Variants in EP400 observed in about 807,000 individuals in gnomAD.
EP400 encodes E1A-binding protein p400.
In EP400, 105 loss-of-function variants were observed where a neutral mutation model predicts 354.1. The ratio of observed to expected loss-of-function variants is 0.30; its 90% CI spans 0.25 to 0.35. EP400 has a LOEUF of 0.35. EP400 is among the 10% of genes least tolerant of loss of function. The probability of loss-of-function intolerance (pLI) is 1.00; values close to 1 mark genes in which losing one functional copy is unlikely to be tolerated. For missense variants in EP400, 3,280 were observed against 4,121.0 expected, an observed-to-expected ratio of 0.80 and a Z score of 5.59; for synonymous variants, 1,646 against 1,716.9, an observed-to-expected ratio of 0.96 and a Z score of 1.02.
At chr12:132,026,105 G>C (rs1894295533) in intron 25 of EP400, among the ~76,000 whole-genome samples, 2 of 152,222 alleles carry the variant, frequency 1.3e-5, no homozygotes, top group Non-Finnish European at 2.9e-5. Context: ...TATATCGCCA[G>C]TGTGCTCCGT....
chr12:131,999,642 T>C (rs1220197787), intron 12 of EP400, among the ~76,000 whole-genome samples: 2 of 152,128 alleles, frequency 1.3e-5, no homozygotes, highest in African/African-American at 2.4e-5. Context: ...TTTTACCGTG[T>C]TGCCCAGGCT....
chr12:132,033,822 G>T (rs1167145239), intron 30 of EP400, among the ~76,000 whole-genome samples: 1 of 152,214 alleles, frequency 6.6e-6, no homozygotes. Context: ...ATGAGTCACT[G>T]CACCCGGCCA....
In EP400 at chr12:132,079,724, A is replaced by G. The variant is rs550647574; in HGVS notation, c.*2051A>G. On this transcript the variant is annotated 3_prime_UTR_variant, in exon 53 of 53. Transcript: ENST00000389561. ...CTTAATGGGATTCTGAATATTTGCA[A>G]TGTGGAGTTTCCGCCCCGATCTCAC... The G allele has an allele frequency of 3.9e-5, 6 of 152,360 alleles. No individual in the cohort carries two copies. The highest frequency in any genetic ancestry group is 1.9e-4 in the East Asian group (1 of 5,192). 9.4% of individuals were successfully genotyped at this position (152,360 alleles called of 1,614,324 possible).
intron 50 of EP400, 91 bp from the exon 51 acceptor site, chr12:132,069,404 G>A: frequency 6.5e-7 from 1 of 1,541,494 alleles, no homozygotes; most frequent in African/African-American, 1.4e-5. Flanking sequence ...AAGGGGCTGG[G>A]TTCTGCCATA....
Position 131,994,731 on chromosome 12 carries a change from C to A in EP400, c.2738-136C>A. Reference sequence around the variant, plus strand: ...TTCCTGCCCATTTAATTAAATTTAACCTGAGAAGTTTAAAAGCTCAGTTTC... The same window carrying A: ...TTCCTGCCCATTTAATTAAATTTAAACTGAGAAGTTTAAAAGCTCAGTTTC... On this transcript the variant is annotated intron_variant, in intron 11 of 52. Coordinates refer to ENST00000389561, the MANE Select transcript of EP400 (RefSeq NM_015409.5). This position sits in a 1 kb window ranked among gnomAD's most constrained non-coding sequence, Gnocchi z 4.6. The A allele has an allele frequency of 1.6e-6, 1 of 627,664 alleles. No individual in the cohort carries two copies. Among genetic ancestry groups the A allele is most frequent in the Non-Finnish European group, 2.7e-6 (1 of 367,640 alleles). 38.9% of individuals were successfully genotyped at this position (627,664 alleles called of 1,614,324 possible). A position where few individuals can be genotyped will look rare whatever the true frequency, so the allele number is the denominator to read the frequency against.
chr12:132,058,781 C>G (rs534165107), intron 45 of EP400, among the ~76,000 whole-genome samples: 1 of 149,328 alleles, frequency 6.7e-6, no homozygotes, highest in Non-Finnish European at 1.5e-5. Flanking sequence ...AGGAGAAAAA[C>G]GATTTCTTCC....
At position 131,979,779 on chromosome 12, in the gene EP400, C is replaced by T. The variant is rs774120029; in HGVS notation, c.1421C>T (p.Ser474Phe). 3.1e-6 allele frequency: 5 copies of T among 1,609,760 alleles called. No homozygotes were observed. In the East Asian group the frequency reaches 1.1e-4, roughly 36 times the overall value. Residue 474 changes from serine to phenylalanine, a missense_variant, in exon 3 of 53, where the codon TCC (serine) becomes TTC (phenylalanine). Ser to Phe is a radical substitution (Grantham distance 155, BLOSUM62 -2). Around this residue, in one of 20 missense-constraint regions of EP400, gnomAD observed 800 missense variants for 840.0 expected, o/e 0.95. Transcript: ENST00000389561. ...TTTAAGAGGCAGCAGGCGATGCCCT[C>T]CACAGGTATGGCAGGTACGTCGGCA... ...DLFKRQQAMP[S>F]TGMAEQSKRP...
At chr12:132,071,747 CT>C (rs1896074434) in intron 51 of EP400, among the ~76,000 whole-genome samples, 1 of 152,218 alleles carries the variant, frequency 6.6e-6, no homozygotes, top group Admixed American at 6.5e-5. Context: ...GTGCACCCCT[CT>C]GCACTTGCTC....
At chr12:132,055,297 G>C in intron 45 of EP400, 89 bp downstream of exon 45, 1 of 1,087,360 alleles carries the variant, frequency 9.2e-7, no homozygotes, top group Non-Finnish European at 1.3e-6. Context: ...TTCTTTTTAA[G>C]TATTCCATTG....
rs1435980828 is a variant in EP400, at chr12:132,018,124, G to A, written c.4111-86G>A. 1.9e-6 allele frequency: 3 copies of A among 1,561,282 alleles called. No homozygotes were observed. The highest frequency in any genetic ancestry group is 1.8e-4 in the Middle Eastern group (1 of 5,460). On this transcript the variant is annotated intron_variant, in intron 20 of 52. Transcript: ENST00000389561. This position sits in a 1 kb window ranked among gnomAD's most constrained non-coding sequence, Gnocchi z 4.0. Reference sequence around the variant, plus strand: ...GGGGCGCGTCTGGATGCCCACGTTAGGGCCCTGCCATAGAAATCAGTTTTG... The same window carrying A: ...GGGGCGCGTCTGGATGCCCACGTTAAGGCCCTGCCATAGAAATCAGTTTTG...
At position 132,062,114 on chromosome 12, in the gene EP400, C is replaced by G. The variant is rs374438318; in HGVS notation, c.7889C>G (p.Pro2630Arg). The G allele has an allele frequency of 1.2e-6, 2 of 1,612,304 alleles. No homozygotes were observed. Among genetic ancestry groups the G allele is most frequent in the South Asian group, 1.1e-5 (1 of 91,002 alleles). The change falls in exon 46 of 53, where the codon CCG becomes CGG. Residue 2630 changes from proline to arginine, a missense_variant. Transcript: ENST00000389561. ...SPVAPGALTT[P>R]GGSAPAQVVH... ...TCCTCTGTTTGCCTTTTCTAGACGC[C>G]GGGAGGCTCTGCTCCCGCCCAGGTG...
At chr12:131,982,531 T>C (rs900654375) in intron 5 of EP400, 53 bp downstream of exon 5, 2 of 1,542,998 alleles carry the variant, frequency 1.3e-6, no homozygotes, top group African/African-American at 2.7e-5. Flanking sequence ...ATTTGCTGGC[T>C]ACCTGTGTGT....
chr12:132,045,712 A>G lies in EP400; in HGVS notation c.7027-15A>G. The G allele has an allele frequency of 1.2e-6, 2 of 1,613,800 alleles. No individual in the cohort carries two copies. Among genetic ancestry groups the G allele is most frequent in the African/African-American group, 1.3e-5 (1 of 75,020 alleles). ...GAGTGTATTCACCTGTTTTACCTGA[A>G]ATCTCCTTCTCTAGGCTGTAAAGCA... On this transcript the variant is annotated splice_polypyrimidine_tract_variant and intron_variant, in intron 38 of 52. Transcript: ENST00000389561.
chr12:132,005,841 G>A (rs1463654680), intron 13 of EP400, among the ~76,000 whole-genome samples: 1 of 152,184 alleles, frequency 6.6e-6, no homozygotes, highest in African/African-American at 2.4e-5. Context: ...AATTGCTATG[G>A]AGACATTTTC....
In EP400 at chr12:131,961,081, C is replaced by T; in HGVS notation, c.462C>T (p.Ala154=). 2 of 1,597,318 alleles carry T rather than the reference C, an allele frequency of 1.3e-6. No homozygotes were observed. The highest frequency in any genetic ancestry group is 1.1e-5 in the South Asian group (1 of 89,022). ...GQALQNVRAG[A]PGPGLGLCSS... The stretch of plus-strand genomic sequence containing the variant: ...CCTTGCAGAATGTGCGTGCAGGTGC[C>T]CCTGGCCCTGGGCTGGGCCTCTGCA... The change falls in exon 2 of 53, where the codon GCC becomes GCT. Residue 154 remains alanine, a synonymous_variant. Transcript: ENST00000389561.
Position 131,986,512 on chromosome 12 carries a change from A to T in EP400, c.1930-2A>T. On this transcript the variant is annotated splice_acceptor_variant, in intron 5 of 52. Transcript: ENST00000389561. LOFTEE classifies it high-confidence loss of function. ...TGCTCCACTTGTGCCCTGCCCTTAC[A>T]GATGGTAGCATCGACAAGGCTCCCT... 6.3e-7 allele frequency: 1 copy of T among 1,594,312 alleles called. No individual in the cohort carries two copies. Among genetic ancestry groups the T allele is most frequent in the Middle Eastern group, 1.7e-4 (1 of 5,892 alleles).
chr12:132,062,388 C>G, intron 46 of EP400, 65 bp downstream of exon 46: 2 of 1,610,306 alleles, frequency 1.2e-6, no homozygotes, highest in Non-Finnish European at 1.7e-6. Context: ...GGCTCAGCTG[C>G]TGCTTGCTGT....
intron 27 of EP400, 61 bp downstream of exon 27, chr12:132,028,349 C>T (rs914594651): frequency 1.9e-6 from 3 of 1,580,158 alleles, no homozygotes; most frequent in Admixed American, 3.4e-5. Context: ...CGGCAAGACC[C>T]CTTCTTGTCT....
chr12:132,013,797 G>C lies in EP400; in HGVS notation c.3807G>C (p.Leu1269Phe). Reference protein sequence around the residue: ...RLHRVTQPFILRRTKRDVEKQ... With the variant: ...RLHRVTQPFIFRRTKRDVEKQ... Reference sequence around the variant, plus strand: ...TTCAGGTGACACAGCCATTTATTTTGAGGAGAACTAAGAGAGATGTGGAAA... The same window carrying C: ...TTCAGGTGACACAGCCATTTATTTTCAGGAGAACTAAGAGAGATGTGGAAA... The change falls in exon 19 of 53, where the codon TTG becomes TTC. Residue 1269 changes from leucine (L) to phenylalanine (F), a missense_variant. Physicochemically the swap from Leu to Phe is conservative, Grantham distance 22. This residue lies in a region of EP400 where 242 missense variants were observed against 357.9 expected (regional missense o/e 0.68). Coordinates refer to ENST00000389561, the MANE Select transcript of EP400 (RefSeq NM_015409.5). This position sits in a 1 kb window ranked among gnomAD's most constrained non-coding sequence, Gnocchi z 4.5. The C allele has an allele frequency of 1.2e-6, 2 of 1,613,886 alleles. No individual in the cohort carries two copies. Among genetic ancestry groups the C allele is most frequent in the Non-Finnish European group, 1.7e-6 (2 of 1,179,966 alleles).
Sources: gnomAD v4.1 joint callset for allele counts (sites outside exome capture counted in the v4.1 genomes callset) on GRCh38, gnomAD v4.1.1 for gene constraint, gnomAD v4.1.1 regional missense constraint, Gnocchi (gnomAD v3.1) non-coding constraint, MANE v1.5 for transcripts, NCBI Gene and HGNC (gene_info 2026-07-23, HGNC 2026-07-21) for gene names.